The following RASSF8 variants were observed in gnomAD, a reference collection of about 807,000 sequenced individuals.
RASSF8 encodes the protein ras association domain-containing protein 8.
In RASSF8, 22 loss-of-function variants were observed where a neutral mutation model predicts 48.5. The ratio of observed to expected loss-of-function variants is 0.45; its 90% confidence interval spans 0.32 to 0.65. The LOEUF (loss-of-function observed/expected upper bound fraction) is 0.65, where lower values mean the gene tolerates loss of function less well. Among genes scored for constraint, RASSF8 ranks in the 30% least tolerant of loss-of-function variants. The pLI is 0.03. For synonymous variants in RASSF8, 127 were observed against 171.5 expected (o/e 0.74, Z 2.03); for missense variants, 418 against 489.2 (o/e 0.85, Z 1.37).
At position 26,045,481 on chromosome 12, in the gene RASSF8, A is replaced by G. The variant is rs1591796163; in HGVS notation, c.-108-9755A>G. ...TACCGTTTCCTCACAAAATTATTTT[A>G]TTTTGTCTTTGAAGTATTTCCATAC... On this transcript the variant is annotated intron_variant, in intron 2 of 5. Transcript: ENST00000689635. 2.0e-5 allele frequency among the ~76,000 whole-genome samples: 3 copies of G among 152,076 alleles called. No individual in the cohort carries two copies. In the East Asian group the frequency reaches 5.8e-4, roughly 29 times the overall value.
downstream of RASSF8, among the ~76,000 whole-genome samples, chr12:26,073,729 G>A (rs1237782390): frequency 2.6e-5 from 1 of 37,736 alleles, no homozygotes; most frequent in Admixed American, 2.3e-4. Flanking sequence ...ACAAAAGCGA[G>A]ACTCTCTCTC....
intron 5 of RASSF8, chr12:26,078,908 G>T (rs1006821778): frequency 2.7e-6 from 2 of 754,584 alleles, no homozygotes; most frequent in South Asian, 3.6e-5. Flanking sequence ...AAAAAAAAAG[G>T]CGCTAACCGA....
At chr12:26,012,776 G>C (rs923715505) in intron 2 of RASSF8, among the ~76,000 whole-genome samples, 1 of 151,212 alleles carries the variant, frequency 6.6e-6, no homozygotes, top group Admixed American at 6.6e-5. Flanking sequence ...GAACTCCTGG[G>C]CTCCATCAGT....
chr12:26,065,495 C>A, intron 4 of RASSF8, 108 bp downstream of exon 4: 1 of 1,386,236 alleles, frequency 7.2e-7, no homozygotes, highest in Non-Finnish European at 9.7e-7. Context: ...GAATTAGAAA[C>A]CCAGCCTTGT....
chr12:26,035,477 A>AT (rs1943121672), intron 2 of RASSF8, among the ~76,000 whole-genome samples: 2 of 113,432 alleles, frequency 1.8e-5, no homozygotes, highest in Non-Finnish European at 3.9e-5. Context: ...TATATTATAT[A>AT]ATTATATAAT....
chr12:26,021,516 C>T (rs1942786783), intron 2 of RASSF8: 1 of 152,220 alleles, frequency 6.6e-6, no homozygotes. Context: ...GGCTAAACTC[C>T]TGGTGAGTGT....
At chr12:26,048,390 A>G (rs7132820) in intron 2 of RASSF8, among the ~76,000 whole-genome samples, 62,853 of 151,974 alleles carry the variant, frequency 0.41, 13,820 homozygotes, top group Non-Finnish European at 0.5. Flanking sequence ...AGAATATAGC[A>G]AGGCTGGAGT....
chr12:25,985,060 A>G (rs961071923), intron 1 of RASSF8, among the ~76,000 whole-genome samples: 6 of 152,122 alleles, frequency 3.9e-5, no homozygotes, highest in African/African-American at 1.4e-4. Context: ...GCAGATTCAC[A>G]CGCATTCTCA....
chr12:26,069,494 A>C lies in RASSF8; in HGVS notation c.*676A>C, dbSNP rs1943955656. On this transcript the variant is annotated 3_prime_UTR_variant, in exon 6 of 6. Transcript: ENST00000689635. ...AAATATACGTGTGGCCACAGAGCAT[A>C]ACAGATATTTTTCATAAGCTAAATT... 2.0e-6 allele frequency: 2 copies of C among 985,468 alleles called. No individual in the cohort carries two copies. The highest frequency in any genetic ancestry group is 2.4e-6 in the Non-Finnish European group (2 of 829,924). The allele number at this position is 985,468 out of a possible 1,614,324, so 61.0% of individuals were successfully genotyped here.
intron 1 of RASSF8, among the ~76,000 whole-genome samples, chr12:25,962,161 A>G (rs1230218481): frequency 2.0e-5 from 3 of 152,090 alleles, no homozygotes; most frequent in South Asian, 2.1e-4. Context: ...TTACTTCAGG[A>G]TCCTGCATGA....
chr12:26,029,736 A>G (rs1460890684), intron 2 of RASSF8, among the ~76,000 whole-genome samples: 1 of 152,142 alleles, frequency 6.6e-6, no homozygotes, highest in Non-Finnish European at 1.5e-5. Flanking sequence ...TTAAATGTTG[A>G]CCATTATTAT....
chr12:26,027,522 G>C (rs528666356), intron 2 of RASSF8, among the ~76,000 whole-genome samples: 1 of 152,304 alleles, frequency 6.6e-6, no homozygotes, highest in Admixed American at 6.5e-5. Flanking sequence ...TTAAAGTTAA[G>C]TGTACAAAAT....
In RASSF8 at chr12:26,069,968, T is replaced by G. The variant is rs995286886; in HGVS notation, c.*1150T>G. ...ACTTTTACAAGACATTAATCTCCAT[T>G]TGTACATATGTTATTTTATTTGTAA... On this transcript the variant is annotated 3_prime_UTR_variant, in exon 6 of 6. Transcript: ENST00000689635. The G allele has an allele frequency of 1.6e-5, 16 of 974,726 alleles. No homozygotes were observed. In the Admixed American group the frequency reaches 1.8e-4, roughly 11 times the overall value. 60.4% of individuals were successfully genotyped at this position (974,726 alleles called of 1,614,324 possible). A position where few individuals can be genotyped will look rare whatever the true frequency, so the allele number is the denominator to read the frequency against.
intron 1 of RASSF8, among the ~76,000 whole-genome samples, chr12:25,986,997 G>A (rs1194651757): frequency 1.3e-5 from 2 of 151,796 alleles, no homozygotes; most frequent in African/African-American, 2.4e-5. Context: ...GTGCAATGGC[G>A]CAATCTCAGC....
At chr12:26,020,957 A>G (rs1165502306) in intron 2 of RASSF8, among the ~76,000 whole-genome samples, 1 of 152,214 alleles carries the variant, frequency 6.6e-6, no homozygotes, top group African/African-American at 2.4e-5. Flanking sequence ...ACTCAGGGCA[A>G]TGTCTAGCAC....
At chr12:26,060,221 A>AGT (rs1262647448) in intron 3 of RASSF8, among the ~76,000 whole-genome samples, 1 of 152,162 alleles carries the variant, frequency 6.6e-6, no homozygotes, top group Non-Finnish European at 1.5e-5. Flanking sequence ...GTTTAGTAGT[A>AGT]GTGAGCTTAT....
In RASSF8 at chr12:26,064,983, A is replaced by C. The variant is rs1433753772; in HGVS notation, c.589A>C (p.Lys197Gln). The C allele has an allele frequency of 1.9e-6, 3 of 1,613,610 alleles. No homozygotes were observed. The highest frequency in any genetic ancestry group is 2.5e-6 in the Non-Finnish European group (3 of 1,179,868). The change falls in exon 4 of 6, where the codon AAG (lysine) becomes CAG (glutamine). Residue 197 changes from lysine (K) to glutamine (Q), a missense_variant. By Grantham distance (53) the Lys-to-Gln change is moderately conservative. Coordinates refer to ENST00000689635, the MANE Select transcript of RASSF8 (RefSeq NM_001394098.1). ...AATAGAAATAAGATTTTGGGAGCAA[A>C]AGTATAATTCCAACCTTGAAGAGGA... ...NEIEIRFWEQ[K>Q]YNSNLEEEIV... is the part of the protein sequence containing the mutation.
At chr12:25,981,934 A>C (rs143496926) in intron 1 of RASSF8, among the ~76,000 whole-genome samples, 3 of 152,214 alleles carry the variant, frequency 2.0e-5, no homozygotes, top group East Asian at 3.8e-4. Flanking sequence ...AGGAATCCCT[A>C]TTTCAAGGAT....
chr12:25,968,076 T>G (rs995813647), intron 1 of RASSF8, among the ~76,000 whole-genome samples: 1 of 152,218 alleles, frequency 6.6e-6, no homozygotes, highest in African/African-American at 2.4e-5. Flanking sequence ...TCTAGCTGTC[T>G]CCTTTCTCAG....
Sources: allele counts gnomAD v4.1 joint callset (sites outside exome capture counted in the v4.1 genomes callset), GRCh38; gene constraint gnomAD v4.1.1; transcripts MANE v1.5; gene names NCBI Gene and HGNC (gene_info 2026-07-23, HGNC 2026-07-21).